DOCK3: variants seen among roughly 807,000 people sequenced by gnomAD.
DOCK3 encodes dedicator of cytokinesis 3.
A neutral mutation model predicts 265.6 loss-of-function variants in DOCK3; 60 were observed. That is an observed-to-expected ratio of 0.23 (90% CI 0.18 to 0.28). DOCK3 has a LOEUF of 0.28. DOCK3 is among the 10% of genes least tolerant of loss of function. DOCK3 has a pLI of 1.00. For missense variants in DOCK3, 1,981 were observed against 2,594.3 expected (o/e 0.76, Z 5.14); for synonymous variants, 881 against 938.0 (o/e 0.94, Z 1.11).
intron 5 of DOCK3, among the ~76,000 whole-genome samples, chr3:51,014,669 T>A (rs777390428): frequency 4.3e-4 from 66 of 152,258 alleles, no homozygotes; most frequent in South Asian, 1.7e-3. Flanking sequence ...GTTAGGATTG[T>A]TTTTTCTATT....
chr3:50,890,140 G>T, intron 4 of DOCK3, 59 bp downstream of exon 4: 1 of 1,320,794 alleles, frequency 7.6e-7, no homozygotes, highest in Non-Finnish European at 9.9e-7. Context: ...GAGGAAGATT[G>T]TTTTTCCTTT....
At chr3:51,111,047 A>T (rs1325261114) in intron 9 of DOCK3, among the ~76,000 whole-genome samples, 2 of 152,238 alleles carry the variant, frequency 1.3e-5, no homozygotes, top group African/African-American at 4.8e-5. Context: ...AGCTAAGCTG[A>T]GAGCCAAATC....
chr3:50,818,164 T>C (rs2044198539), intron 2 of DOCK3, among the ~76,000 whole-genome samples: 4 of 152,220 alleles, frequency 2.6e-5, no homozygotes, highest in Admixed American at 2.6e-4. Context: ...GGTGGACACA[T>C]GTTTAGCCCT....
At chr3:50,851,388 G>T (rs1483100426) in intron 3 of DOCK3, among the ~76,000 whole-genome samples, 1 of 152,050 alleles carries the variant, frequency 6.6e-6, no homozygotes, top group African/African-American at 2.4e-5. Context: ...CGCAGTAAGG[G>T]TGGGGCAGTT....
chr3:51,288,391 CAAAAAAAAAA>C (rs35390396), intron 27 of DOCK3, among the ~76,000 whole-genome samples: 3 of 87,226 alleles, frequency 3.4e-5, no homozygotes, highest in Non-Finnish European at 4.7e-5. Flanking sequence ...GACTCCGTCT[CAAAAAAAAAA>C]AAAAAAAAAA....
At chr3:51,028,490 CT>C (rs760307116) in intron 5 of DOCK3, among the ~76,000 whole-genome samples, 1 of 152,030 alleles carries the variant, frequency 6.6e-6, no homozygotes, top group Non-Finnish European at 1.5e-5. Flanking sequence ...GGAAATTTTT[CT>C]GAATTATACC....
chr3:51,141,454 C>T (rs547515911), intron 9 of DOCK3, among the ~76,000 whole-genome samples: 141 of 152,030 alleles, frequency 9.3e-4, no homozygotes, highest in African/African-American at 3.0e-3. Context: ...GTAGTTTTAG[C>T]TCTTATATGT....
intron 4 of DOCK3, among the ~76,000 whole-genome samples, chr3:50,925,824 CTTTTT>C (rs368819970): frequency 2.3e-5 from 2 of 88,422 alleles, no homozygotes; most frequent in African/African-American, 1.0e-4. Flanking sequence ...TAAAACTAGT[CTTTTT>C]TTTTTTTTTT....
chr3:51,202,101 C>A (rs2108022928), intron 12 of DOCK3, among the ~76,000 whole-genome samples: 1 of 149,454 alleles, frequency 6.7e-6, no homozygotes, highest in East Asian at 2.0e-4. Context: ...CCTAACATCA[C>A]AATTAAAAGA....
intron 7 of DOCK3, among the ~76,000 whole-genome samples, chr3:51,076,331 A>T (rs2109384715): frequency 6.6e-6 from 1 of 152,318 alleles, no homozygotes; most frequent in Non-Finnish European, 1.5e-5. Flanking sequence ...ATGTGGTGGC[A>T]TGCACCTGTA....
intron 52 of DOCK3, 21 bp downstream of exon 52, chr3:51,380,228 C>G: frequency 6.2e-7 from 1 of 1,603,834 alleles, no homozygotes; most frequent in South Asian, 1.1e-5. Context: ...GAAGCGGCAG[C>G]CCCACCAGGC....
At position 50,970,924 on chromosome 3, in the gene DOCK3, TATATATATATATATATATATATA is replaced by T. The variant is rs1317628374; in HGVS notation, c.315+36850_315+36872del. On this transcript the variant is annotated intron_variant, in intron 5 of 52. Coordinates refer to ENST00000266037, the MANE Select transcript of DOCK3 (RefSeq NM_004947.5). The stretch of plus-strand genomic sequence containing the variant: ...ATATATATATATATATATATATATA[TATATATATATATATATATATATA>T]ATGTGTGTGTGTGTGTGTGTATATA... Among the ~76,000 whole-genome samples the T allele has an allele frequency of 1.6e-4, 11 of 70,916 alleles. No individual in the cohort carries two copies. The East Asian group carries it at 3.3e-3, about 21-fold the overall frequency. 46.5% of individuals were successfully genotyped at this position (70,916 alleles called of 152,430 possible). A position where few individuals can be genotyped will look rare whatever the true frequency, so the allele number is the denominator to read the frequency against.
At chr3:51,202,145 T>A (rs1576396437) in intron 12 of DOCK3, among the ~76,000 whole-genome samples, 1 of 90,460 alleles carries the variant, frequency 1.1e-5, no homozygotes, top group Non-Finnish European at 2.2e-5. Context: ...ATTCAAAAGC[T>A]AGCAGAAGGC....
intron 4 of DOCK3, among the ~76,000 whole-genome samples, chr3:50,903,576 G>T (rs2049314607): frequency 6.6e-6 from 1 of 152,144 alleles, no homozygotes; most frequent in East Asian, 1.9e-4. Flanking sequence ...CCAGTATTTT[G>T]TTGAGGATTT....
chr3:51,310,315 G>T lies in DOCK3; in HGVS notation c.3006G>T (p.Leu1002=). The part of the protein sequence containing the change: ...VFPRDWMVMR[L]LTSNIIVTTV... ...CTCGGGACTGGATGGTAATGAGACT[G>T]CTCACAAGCAAGTAAGTATGGAAGG... The change falls in exon 28 of 53, where the codon CTG becomes CTT. Residue 1002 remains leucine (L), a synonymous_variant. Transcript: ENST00000266037. The T allele has an allele frequency of 6.3e-7, 1 of 1,597,748 alleles. No homozygotes were observed. Among genetic ancestry groups the T allele is most frequent in the East Asian group, 2.2e-5 (1 of 44,506 alleles).
chr3:51,158,437 T>C (rs9839792), intron 10 of DOCK3, among the ~76,000 whole-genome samples: 1 of 152,070 alleles, frequency 6.6e-6, no homozygotes, highest in Non-Finnish European at 1.5e-5. Flanking sequence ...TACCAGTTAC[T>C]TGGGAGGCTG....
intron 7 of DOCK3, among the ~76,000 whole-genome samples, chr3:51,085,817 C>G (rs1176614932): frequency 6.6e-6 from 1 of 151,862 alleles, no homozygotes; most frequent in Non-Finnish European, 1.5e-5. Flanking sequence ...TAATAAAGAT[C>G]AGAGCAGAAC....
At chr3:51,199,139 A>G (rs1245166005) in intron 12 of DOCK3, among the ~76,000 whole-genome samples, 2 of 152,150 alleles carry the variant, frequency 1.3e-5, no homozygotes, top group African/African-American at 2.4e-5. Flanking sequence ...CTGCATTTCC[A>G]TCTGAGGTAC....
chr3:50,983,077 C>T (rs1277058594), intron 5 of DOCK3, among the ~76,000 whole-genome samples: 2 of 152,206 alleles, frequency 1.3e-5, no homozygotes, highest in Non-Finnish European at 2.9e-5. Context: ...CACAGCCCAG[C>T]CAGGTGTGTG....
Sources: allele counts gnomAD v4.1 joint callset (sites outside exome capture counted in the v4.1 genomes callset), GRCh38; gene constraint gnomAD v4.1.1; transcripts MANE v1.5; gene names NCBI Gene and HGNC (gene_info 2026-07-23, HGNC 2026-07-21).